TMEM178B: variants seen among roughly 807,000 people sequenced by gnomAD.
The protein encoded by TMEM178B is transmembrane protein 178B.
TMEM178B carries 5 observed loss-of-function variants against 31.0 expected under a neutral mutation model. That is an observed-to-expected ratio of 0.16 (90% CI 0.08 to 0.34). TMEM178B has a LOEUF of 0.34. TMEM178B is among the 10% of genes least tolerant of loss of function. The pLI, the probability that TMEM178B is intolerant of heterozygous loss-of-function variation, is 1.00. For synonymous variants in TMEM178B, 164 were observed against 164.0 expected (o/e 1.00, Z 0.00); for missense variants, 275 against 400.3 (o/e 0.69, Z 2.67).
intron 1 of TMEM178B, among the ~76,000 whole-genome samples, chr7:141,094,593 A>G (rs1252401694): frequency 6.6e-6 from 1 of 152,168 alleles, no homozygotes; most frequent in Non-Finnish European, 1.5e-5. Flanking sequence ...TGTGTCTTGA[A>G]GTATGGTGCT....
intron 1 of TMEM178B, among the ~76,000 whole-genome samples, chr7:141,204,053 G>T (rs1028034885): frequency 6.6e-6 from 1 of 152,138 alleles, no homozygotes; most frequent in African/African-American, 2.4e-5. Context: ...AGACTAAATT[G>T]TACCAGTTCG....
At chr7:141,215,386 C>T (rs992315844) in intron 2 of TMEM178B, among the ~76,000 whole-genome samples, 11 of 149,682 alleles carry the variant, frequency 7.3e-5, no homozygotes, top group African/African-American at 2.4e-4. Flanking sequence ...AGTGCAGTGG[C>T]ACAATCTTGG....
intron 1 of TMEM178B, among the ~76,000 whole-genome samples, chr7:141,197,325 C>G (rs139634666): frequency 5.3e-5 from 8 of 152,258 alleles, no homozygotes; most frequent in African/African-American, 1.9e-4. Context: ...ATTCTTAAAG[C>G]CAGGATTAGA....
At chr7:141,303,282 G>A (rs1229816874) in intron 2 of TMEM178B, among the ~76,000 whole-genome samples, 1 of 152,134 alleles carries the variant, frequency 6.6e-6, no homozygotes. Flanking sequence ...GCCTGTGTTA[G>A]CAGGATTCTT....
At position 141,158,573 on chromosome 7, in the gene TMEM178B, A is replaced by T. The variant is rs888017918; in HGVS notation, c.383-54018A>T. 9.2e-5 allele frequency among the ~76,000 whole-genome samples: 14 copies of T among 152,194 alleles called. 1 individual carries two copies. Among genetic ancestry groups the T allele is most frequent in the Admixed American group, 7.9e-4 (12 of 15,284 alleles). Reference sequence around the variant, plus strand: ...TCCCCAAAGCCATCCTTTATCTATAAATGTGGCAAGGACAAGAAGACCAGC... The same window carrying T: ...TCCCCAAAGCCATCCTTTATCTATATATGTGGCAAGGACAAGAAGACCAGC... On this transcript the variant is annotated intron_variant, in intron 1 of 3. Coordinates refer to ENST00000565468, the MANE Select transcript of TMEM178B (RefSeq NM_001195278.2).
chr7:141,262,901 TAGCATTCAGCC>T (rs1798037477), intron 2 of TMEM178B, among the ~76,000 whole-genome samples: 1 of 152,210 alleles, frequency 6.6e-6, no homozygotes, highest in Non-Finnish European at 1.5e-5. Flanking sequence ...AGACCCAATA[TAGCATTCAGCC>T]AGCATCAGCT....
At chr7:141,117,038 G>A (rs1411041934) in intron 1 of TMEM178B, among the ~76,000 whole-genome samples, 1 of 152,146 alleles carries the variant, frequency 6.6e-6, no homozygotes, top group Non-Finnish European at 1.5e-5. Flanking sequence ...CCCAGTAATG[G>A]AATTGCTGGG....
In TMEM178B at chr7:141,074,325, G is replaced by A. The variant is rs956449203; in HGVS notation, c.15G>A (p.Arg5=). The stretch of plus-strand genomic sequence containing the variant: ...CAAGCGGAGGCATGGCTGCCGGAAG[G>A]TTACTGCTCTACACTGGCCTCTCGC... MAAG[R]LLLYTGLSLA... Residue 5 remains arginine (R), a synonymous_variant, in exon 1 of 4, where the codon AGG becomes AGA. Transcript: ENST00000565468. The surrounding 1 kb of genome is among the most constrained non-coding windows in gnomAD (Gnocchi z 5.1). 37 of 1,527,340 alleles carry A rather than the reference G, an allele frequency of 2.4e-5. No homozygotes were observed. In the Admixed American group the frequency reaches 7.0e-4, roughly 29 times the overall value. The allele number at this position is 1,527,340 out of a possible 1,614,324, so 94.6% of individuals were successfully genotyped here.
At chr7:141,462,698 A>G (rs757937156) in intron 3 of TMEM178B, among the ~76,000 whole-genome samples, 9 of 152,132 alleles carry the variant, frequency 5.9e-5, no homozygotes, top group Non-Finnish European at 1.2e-4. Context: ...TGTGAATGTG[A>G]AGGAGACGGA....
chr7:141,221,300 C>T (rs563907524), intron 2 of TMEM178B, among the ~76,000 whole-genome samples: 27 of 152,306 alleles, frequency 1.8e-4, no homozygotes, highest in Admixed American at 9.1e-4. Context: ...GCTCAGCTTC[C>T]GGGCAAACTG....
intron 1 of TMEM178B, among the ~76,000 whole-genome samples, chr7:141,119,475 G>A (rs1166469970): frequency 6.6e-6 from 1 of 152,136 alleles, no homozygotes; most frequent in African/African-American, 2.4e-5. Context: ...GACTTAGTGT[G>A]ATTTTACAGC....
chr7:141,317,971 G>A (rs1452334283), intron 2 of TMEM178B, among the ~76,000 whole-genome samples: 1 of 152,138 alleles, frequency 6.6e-6, no homozygotes, highest in African/African-American at 2.4e-5. Flanking sequence ...ACCACCTAAT[G>A]TTTATTTTAA....
chr7:141,261,319 T>C (rs1243854359), intron 2 of TMEM178B, among the ~76,000 whole-genome samples: 1 of 152,122 alleles, frequency 6.6e-6, no homozygotes, highest in African/African-American at 2.4e-5. Flanking sequence ...TATAGGTTTT[T>C]TTTTTTATTG....
At chr7:141,316,637 C>A (rs1405604200) in intron 2 of TMEM178B, among the ~76,000 whole-genome samples, 1 of 152,156 alleles carries the variant, frequency 6.6e-6, no homozygotes, top group Non-Finnish European at 1.5e-5. Context: ...CTGACATTTG[C>A]AAGTATCTAT....
In TMEM178B at chr7:141,473,213, T is replaced by C. The variant is rs533272212; in HGVS notation, c.*2427T>C. ...TTCTCCCTTAAGGGGAAGGGCATAC[T>C]TGGGCTTAAGGAAAAGTGAAGAAAA... On this transcript the variant is annotated 3_prime_UTR_variant, in exon 4 of 4. Transcript: ENST00000565468. 13 of 152,364 alleles carry C rather than the reference T, an allele frequency of 8.5e-5. No homozygotes were observed. The East Asian group carries it at 1.5e-3, about 18-fold the overall frequency. 9.4% of individuals were successfully genotyped at this position (152,364 alleles called of 1,614,324 possible).
intron 2 of TMEM178B, among the ~76,000 whole-genome samples, chr7:141,294,305 C>T (rs997027861): frequency 2.0e-5 from 3 of 152,184 alleles, no homozygotes; most frequent in African/African-American, 7.2e-5. Flanking sequence ...CTGATCTCAG[C>T]TATTTGAATA....
chr7:141,090,830 C>G (rs1417519047), intron 1 of TMEM178B, among the ~76,000 whole-genome samples: 1 of 152,212 alleles, frequency 6.6e-6, no homozygotes, highest in African/African-American at 2.4e-5. Flanking sequence ...GAGAGTTTCA[C>G]TCCTTAGGGT....
chr7:141,505,663 T>G, the TMEM178B span, among the ~76,000 whole-genome samples: 1 of 152,210 alleles, frequency 6.6e-6, no homozygotes, highest in African/African-American at 2.4e-5. Flanking sequence ...CGAACAGGAC[T>G]GGGGCAGATG....
chr7:141,157,881 C>CTG (rs1010020243), intron 1 of TMEM178B, among the ~76,000 whole-genome samples: 6 of 152,162 alleles, frequency 3.9e-5, no homozygotes, highest in African/African-American at 7.2e-5. Context: ...ACCCTGCTTC[C>CTG]TGTGTCCTGC....
Sources: allele counts gnomAD v4.1 joint callset (sites outside exome capture counted in the v4.1 genomes callset), GRCh38; gene constraint gnomAD v4.1.1; non-coding constraint Gnocchi (gnomAD v3.1); transcripts MANE v1.5; gene names NCBI Gene and HGNC (gene_info 2026-07-23, HGNC 2026-07-21).